Variants in TEX264 observed in about 807,000 individuals in gnomAD.
TEX264 encodes the protein testis expressed 264, ER-phagy receptor, also known as testis-expressed protein 264.
In TEX264, 13 loss-of-function variants were observed where a neutral mutation model predicts 23.4. The observed-to-expected ratio is 0.56, with a 90% CI of 0.36 to 0.88. The LOEUF is 0.88. Ranked by LOEUF, TEX264 falls within the 40% of genes least tolerant of loss-of-function variation. The probability of loss-of-function intolerance (pLI) is 0.01; values close to 1 mark genes in which losing one functional copy is unlikely to be tolerated. For synonymous variants in TEX264, 159 were observed against 170.0 expected, an observed-to-expected ratio of 0.94 and a Z score of 0.50; for missense variants, 340 against 406.8, an observed-to-expected ratio of 0.84 and a Z score of 1.41.
intron 3 of TEX264, among the ~76,000 whole-genome samples, chr3:51,690,557 CAAAA>C (rs1301569354): frequency 1.8e-5 from 1 of 55,886 alleles, no homozygotes; most frequent in Admixed American, 2.0e-4. Context: ...GACTCCGTCT[CAAAA>C]AAAAAAAAAA....
At position 51,686,271 on chromosome 3, in the gene TEX264, G is replaced by A. The variant is rs910571812; in HGVS notation, c.480+1637G>A. On this transcript the variant is annotated intron_variant, in intron 3 of 4. Coordinates refer to ENST00000341333, the MANE Select transcript of TEX264 (RefSeq NM_015926.6). This position sits in a 1 kb window ranked among gnomAD's most constrained non-coding sequence, Gnocchi z 4.1. ...GACAGCCTGTGGCAGCAAAGGCTGC[G>A]CAGAGGGCGTGGCCAGTGTGGCAGG... is the stretch of plus-strand genomic sequence containing the variant. 1.3e-5 allele frequency among the ~76,000 whole-genome samples: 2 copies of A among 152,198 alleles called. No homozygotes were observed. The highest frequency in any genetic ancestry group is 2.4e-5 in the African/African-American group (1 of 41,438).
At chr3:51,685,913 G>C (rs1479638547) in intron 3 of TEX264, among the ~76,000 whole-genome samples, 3 of 152,236 alleles carry the variant, frequency 2.0e-5, no homozygotes, top group Non-Finnish European at 4.4e-5. Context: ...TGGATTCACT[G>C]TTGTGGAAGG....
Position 51,703,213 on chromosome 3 carries a change from C to A in TEX264, c.650-511C>A, listed in dbSNP as rs145322604. Among the ~76,000 whole-genome samples, 1 of 152,210 alleles carries A rather than the reference C, an allele frequency of 6.6e-6. No individual in the cohort carries two copies. Among genetic ancestry groups the A allele is most frequent in the African/African-American group, 2.4e-5 (1 of 41,464 alleles). On this transcript the variant is annotated intron_variant, in intron 4 of 4. Coordinates refer to ENST00000341333, the MANE Select transcript of TEX264 (RefSeq NM_015926.6). This position sits in a 1 kb window ranked among gnomAD's most constrained non-coding sequence, Gnocchi z 4.8. ...GGATGCTGCTCCTGGGAGCCCTGCA[C>A]GGGGGAGGGCTGCAGAGGGGCCTCC...
chr3:51,693,779 C>T (rs528000395), intron 3 of TEX264, among the ~76,000 whole-genome samples: 8 of 152,234 alleles, frequency 5.3e-5, no homozygotes, highest in East Asian at 1.9e-4. Context: ...CACTCCCGGC[C>T]TCCATTATGT....
intron 3 of TEX264, among the ~76,000 whole-genome samples, chr3:51,697,629 G>T (rs1703120615): frequency 6.6e-6 from 1 of 152,208 alleles, no homozygotes; most frequent in South Asian, 2.1e-4. Flanking sequence ...CCTGCCCCTG[G>T]CCTCAGTGAC....
At chr3:51,699,329 G>T (rs1336983304) in intron 3 of TEX264, 77 bp from the exon 4 acceptor site, 1 of 1,504,258 alleles carries the variant, frequency 6.6e-7, no homozygotes, top group African/African-American at 1.4e-5. Flanking sequence ...GTAATAGACA[G>T]TTCTGGGGGT....
chr3:51,694,042 CCTTCCTCCCTT>C (rs1702941724), intron 3 of TEX264, among the ~76,000 whole-genome samples: 1 of 130,260 alleles, frequency 7.7e-6, no homozygotes, highest in African/African-American at 3.0e-5. Context: ...TTCCTTCCTT[CCTTCCTCCCTT>C]CCCTTCCCTT....
intron 3 of TEX264, among the ~76,000 whole-genome samples, chr3:51,692,328 A>C (rs1702858316): frequency 6.6e-6 from 1 of 151,790 alleles, no homozygotes; most frequent in Non-Finnish European, 1.5e-5. Flanking sequence ...TTTGCAGTGC[A>C]CCCCCTCTCC....
chr3:51,701,754 C>CCTGAGTAGCTGGGATTACA (rs370259834), intron 4 of TEX264, among the ~76,000 whole-genome samples: 3,296 of 152,264 alleles, frequency 0.022, 120 homozygotes, highest in African/African-American at 0.074. Context: ...GCCTCAGCTT[C>CCTGAGTAGCTGGGATTACA]CTGAGTAGCT....
At chr3:51,675,021 G>A (rs1473733814) in intron 2 of TEX264, among the ~76,000 whole-genome samples, 1 of 152,226 alleles carries the variant, frequency 6.6e-6, no homozygotes, top group African/African-American at 2.4e-5. Flanking sequence ...GCCCTTGAGG[G>A]CTGAGAGGGC....
At position 51,674,430 on chromosome 3, in the gene TEX264, C is replaced by T. The variant is rs769297115; in HGVS notation, c.126C>T (p.Pro42=). The change falls in exon 2 of 5, where the codon CCC becomes CCT. Residue 42 remains proline (P), a synonymous_variant. Coordinates refer to ENST00000341333, the MANE Select transcript of TEX264 (RefSeq NM_015926.6). The part of the protein sequence containing the change: ...AGVEVSAGSP[P]IRNVTVAYKF... ...TGGAAGTGAGTGCTGGGTCACCCCC[C>T]ATCCGCAACGTCACTGTGGCCTACA... 6.2e-7 allele frequency: 1 copy of T among 1,614,244 alleles called. No individual in the cohort carries two copies. Among genetic ancestry groups the T allele is most frequent in the Non-Finnish European group, 8.5e-7 (1 of 1,180,046 alleles).
At chr3:51,693,481 T>G (rs986747548) in intron 3 of TEX264, among the ~76,000 whole-genome samples, 8 of 148,516 alleles carry the variant, frequency 5.4e-5, no homozygotes, top group Non-Finnish European at 9.0e-5. Flanking sequence ...ATTATGTTTT[T>G]TTTTTTTTTT....
intron 3 of TEX264, among the ~76,000 whole-genome samples, chr3:51,696,245 G>A (rs1403905096): frequency 3.9e-5 from 6 of 152,150 alleles, no homozygotes; most frequent in Admixed American, 3.9e-4. Context: ...GGCTGTGGAA[G>A]GGGATGTGCC....
At chr3:51,680,641 G>T (rs1394000767) in intron 2 of TEX264, among the ~76,000 whole-genome samples, 1 of 152,248 alleles carries the variant, frequency 6.6e-6, no homozygotes, top group East Asian at 1.9e-4. Context: ...CTGTTTCCCA[G>T]ATGTGGTTCC....
At chr3:51,699,998 CTT>C (rs1192030961) in intron 4 of TEX264, among the ~76,000 whole-genome samples, 1 of 152,102 alleles carries the variant, frequency 6.6e-6, no homozygotes, top group African/African-American at 2.4e-5. Flanking sequence ...AAAGTGTTCT[CTT>C]GTCCCTCAGT....
intron 3 of TEX264, among the ~76,000 whole-genome samples, chr3:51,688,936 G>A (rs1293721673): frequency 2.0e-5 from 3 of 151,954 alleles, no homozygotes; most frequent in Admixed American, 6.6e-5. Flanking sequence ...AGACCAGCCT[G>A]GGCAACATAA....
At chr3:51,695,913 A>G (rs1238337368) in intron 3 of TEX264, among the ~76,000 whole-genome samples, 1 of 152,082 alleles carries the variant, frequency 6.6e-6, no homozygotes, top group Non-Finnish European at 1.5e-5. Context: ...TGGTGTCCCA[A>G]GTCCCCATCT....
chr3:51,679,281 A>G (rs1702341750), intron 2 of TEX264, among the ~76,000 whole-genome samples: 1 of 152,094 alleles, frequency 6.6e-6, no homozygotes. Context: ...ATGGCCCAAT[A>G]CCCAGTTCTT....
At chr3:51,675,686 G>A (rs1292290779) in intron 2 of TEX264, among the ~76,000 whole-genome samples, 1 of 152,174 alleles carries the variant, frequency 6.6e-6, no homozygotes, top group Non-Finnish European at 1.5e-5. Context: ...GTCTGCTGGG[G>A]AGGCTCAGAG....
Sources: allele counts gnomAD v4.1 joint callset (sites outside exome capture counted in the v4.1 genomes callset), GRCh38; gene constraint gnomAD v4.1.1; non-coding constraint Gnocchi (gnomAD v3.1); transcripts MANE v1.5; gene names NCBI Gene and HGNC (gene_info 2026-07-23, HGNC 2026-07-21).